Variants in PLXDC2 observed in about 807,000 individuals in gnomAD.
The protein encoded by PLXDC2 is plexin domain-containing protein 2.
In PLXDC2, 40 loss-of-function variants were observed where a neutral mutation model predicts 68.9. The ratio of observed to expected loss-of-function variants is 0.58; its 90% CI spans 0.45 to 0.76. The LOEUF (loss-of-function observed/expected upper bound fraction) is 0.76. Ranked by LOEUF, PLXDC2 falls within the 30% of genes least tolerant of loss-of-function variation. The pLI is 0.00. For synonymous variants in PLXDC2, 243 were observed against 234.2 expected (o/e 1.04, Z -0.34); for missense variants, 644 against 661.9 (o/e 0.97, Z 0.30).
At chr10:20,189,010 T>C (rs1263002403) in intron 9 of PLXDC2, among the ~76,000 whole-genome samples, 2 of 22,404 alleles carry the variant, frequency 8.9e-5, no homozygotes, top group East Asian at 4.1e-3. Flanking sequence ...TATAATCAGT[T>C]TTTTTTTTCA....
chr10:19,993,027 T>C (rs1329862197), intron 1 of PLXDC2, among the ~76,000 whole-genome samples: 1 of 152,182 alleles, frequency 6.6e-6, no homozygotes, highest in Non-Finnish European at 1.5e-5. Flanking sequence ...GAACCATCAC[T>C]GGACTTCTCA....
At chr10:20,094,758 G>T (rs1054115608) in intron 4 of PLXDC2, among the ~76,000 whole-genome samples, 3 of 152,056 alleles carry the variant, frequency 2.0e-5, no homozygotes, top group African/African-American at 4.8e-5. Flanking sequence ...TGTCGCTACT[G>T]ACATCATTTA....
chr10:20,029,893 C>T (rs1835470205), intron 2 of PLXDC2, among the ~76,000 whole-genome samples: 1 of 152,164 alleles, frequency 6.6e-6, no homozygotes, highest in South Asian at 2.1e-4. Context: ...TCCACATCAG[C>T]TACCTGACAT....
intron 4 of PLXDC2, among the ~76,000 whole-genome samples, chr10:20,141,991 G>A (rs1371807432): frequency 2.0e-5 from 3 of 151,964 alleles, no homozygotes; most frequent in African/African-American, 4.8e-5. Context: ...GTTCAATTAT[G>A]CTTTTGATGA....
intron 13 of PLXDC2, among the ~76,000 whole-genome samples, chr10:20,272,308 CT>C (rs1240063155): frequency 6.6e-6 from 1 of 151,972 alleles, no homozygotes; most frequent in Non-Finnish European, 1.5e-5. Flanking sequence ...CAAATATTTC[CT>C]TTTTAAATGA....
At chr10:20,006,891 T>G (rs1472584351) in intron 2 of PLXDC2, among the ~76,000 whole-genome samples, 1 of 152,242 alleles carries the variant, frequency 6.6e-6, no homozygotes, top group African/African-American at 2.4e-5. Context: ...CCGCTATTGA[T>G]CTGAATGTTG....
intron 2 of PLXDC2, among the ~76,000 whole-genome samples, chr10:20,041,739 T>G (rs530642106): frequency 1.1e-4 from 17 of 152,154 alleles, no homozygotes; most frequent in Non-Finnish European, 2.1e-4. Flanking sequence ...CTCCCAGTTC[T>G]GGCAGGTAGA....
chr10:20,115,111 C>T (rs1833605339), intron 4 of PLXDC2, among the ~76,000 whole-genome samples: 1 of 152,112 alleles, frequency 6.6e-6, no homozygotes, highest in Admixed American at 6.6e-5. Context: ...TTTTTGTAGA[C>T]ATTGGATAGT....
intron 7 of PLXDC2, among the ~76,000 whole-genome samples, chr10:20,166,878 A>G (rs1284503621): frequency 1.3e-5 from 2 of 152,070 alleles, no homozygotes; most frequent in African/African-American, 4.8e-5. Context: ...GTGTTGGGGG[A>G]AAAATATTTT....
chr10:20,148,680 A>C (rs985373343), intron 6 of PLXDC2, among the ~76,000 whole-genome samples: 1 of 152,314 alleles, frequency 6.6e-6, no homozygotes, highest in East Asian at 1.9e-4. Context: ...TCTAATTATG[A>C]GAGAAACCTG....
intron 2 of PLXDC2, among the ~76,000 whole-genome samples, chr10:20,002,619 T>G (rs143808797): frequency 8.5e-5 from 13 of 152,104 alleles, no homozygotes; most frequent in Non-Finnish European, 1.8e-4. Context: ...ATATGTACAA[T>G]CAAAGTATGC....
At chr10:20,189,504 T>TATATATATACAC (rs1554773611) in intron 9 of PLXDC2, among the ~76,000 whole-genome samples, 7 of 121,598 alleles carry the variant, frequency 5.8e-5, no homozygotes, top group African/African-American at 1.8e-4. Context: ...TATATATATA[T>TATATATATACAC]ACACATACAC....
At chr10:20,231,893 T>C (rs1835369637) in intron 12 of PLXDC2, among the ~76,000 whole-genome samples, 1 of 151,922 alleles carries the variant, frequency 6.6e-6, no homozygotes, top group Non-Finnish European at 1.5e-5. Flanking sequence ...GGCATACGCC[T>C]GTAGTCCCAG....
intron 4 of PLXDC2, among the ~76,000 whole-genome samples, chr10:20,083,506 A>G (rs1233859946): frequency 2.0e-5 from 3 of 151,640 alleles, no homozygotes; most frequent in African/African-American, 7.3e-5. Context: ...TACTATGTGC[A>G]TGTATTACTT....
intron 3 of PLXDC2, among the ~76,000 whole-genome samples, chr10:20,051,217 A>C (rs926181803): frequency 6.6e-6 from 1 of 151,666 alleles, no homozygotes; most frequent in South Asian, 2.1e-4. Flanking sequence ...GGAAAAACAG[A>C]CGCCGGAGTC....
In PLXDC2 at chr10:20,189,504, T is replaced by TATATATATATATATATATAC. The variant is rs1554773611; in HGVS notation, c.1061+12096_1061+12097insTATATATATATATATATACA. Among the ~76,000 whole-genome samples, 47 of 121,568 alleles carry TATATATATATATATATATAC rather than the reference T, an allele frequency of 3.9e-4. 2 individuals carry two copies. Among genetic ancestry groups the TATATATATATATATATATAC allele is most frequent in the South Asian group, 1.0e-3 (4 of 3,814 alleles). The allele number at this position is 121,568 out of a possible 152,430, so 79.8% of individuals were successfully genotyped here. A position where few individuals can be genotyped will look rare whatever the true frequency, so the allele number is the denominator to read the frequency against. Reference sequence around the variant, plus strand: ...ATATATATATATATATATATATATATACACATACACACACATATATATACA... The same window carrying TATATATATATATATATATAC: ...ATATATATATATATATATATATATATATATATATATATATATATACACACATACACACACATATATATACA... On this transcript the variant is annotated intron_variant, in intron 9 of 13. Coordinates refer to ENST00000377252, the MANE Select transcript of PLXDC2 (RefSeq NM_032812.9).
At chr10:19,869,964 T>C (rs1357284019) in intron 1 of PLXDC2, among the ~76,000 whole-genome samples, 1 of 152,328 alleles carries the variant, frequency 6.6e-6, no homozygotes, top group East Asian at 1.9e-4. Context: ...GATGTTGTTT[T>C]ATAAAAGCAC....
intron 1 of PLXDC2, among the ~76,000 whole-genome samples, chr10:19,980,392 G>A (rs1589567806): frequency 6.6e-6 from 1 of 152,150 alleles, no homozygotes. Context: ...AGCCTGTTAG[G>A]GCTGCTCTAA....
rs775418143 is a variant in PLXDC2, at chr10:20,068,155, T to C, written c.472-15T>C. 6.2e-7 allele frequency: 1 copy of C among 1,604,828 alleles called. No homozygotes were observed. Among genetic ancestry groups the C allele is most frequent in the Non-Finnish European group, 8.5e-7 (1 of 1,172,426 alleles). On this transcript the variant is annotated splice_polypyrimidine_tract_variant and intron_variant, in intron 3 of 13. Coordinates refer to ENST00000377252, the MANE Select transcript of PLXDC2 (RefSeq NM_032812.9). The stretch of plus-strand genomic sequence containing the variant: ...ACACATTATTGATTTTTTTCTCTGG[T>C]GTTGTTCTTTGCAGAGAGTGAATCT...
Sources: allele counts gnomAD v4.1 joint callset (sites outside exome capture counted in the v4.1 genomes callset), GRCh38; gene constraint gnomAD v4.1.1; transcripts MANE v1.5; gene names NCBI Gene and HGNC (gene_info 2026-07-23, HGNC 2026-07-21).